USP34: variants seen among roughly 807,000 people sequenced by gnomAD.
USP34 encodes ubiquitin carboxyl-terminal hydrolase 34.
USP34 carries 70 observed loss-of-function variants against 460.3 expected under a neutral mutation model. The observed-to-expected ratio is 0.15, with a 90% CI of 0.13 to 0.19. USP34 has a LOEUF of 0.19. Ranked by LOEUF, USP34 falls within the 10% of genes least tolerant of loss-of-function variation. The pLI, the probability that USP34 is intolerant of heterozygous loss-of-function variation, is 1.00. For missense variants in USP34, 3,985 were observed against 4,236.2 expected, an observed-to-expected ratio of 0.94 and a Z score of 1.65; for synonymous variants, 1,647 against 1,405.3, an observed-to-expected ratio of 1.17 and a Z score of -3.85.
chr2:61,374,657 C>T (rs548628807), intron 8 of USP34, among the ~76,000 whole-genome samples: 3 of 151,938 alleles, frequency 2.0e-5, no homozygotes, highest in East Asian at 1.9e-4. Context: ...TTGCCCAGGC[C>T]GAAGTGCAGT....
rs1458011957 is a variant in USP34 at position 61,188,528 on chromosome 2, A to G, written c.10215T>C (p.Pro3405=). ...CTTTAACAGAACTATTTTCAGGGGA[A>G]GGAAGATCTTGCTCAGTTCCTGGAT... ...IIDPGTEQDL[P]SPENSSVKEY... is the part of the protein sequence containing the mutation. Residue 3405 remains proline, a synonymous_variant, in exon 80 of 80, where the codon CCT becomes CCC. Transcript: ENST00000398571. 3 of 1,614,234 alleles carry G rather than the reference A, an allele frequency of 1.9e-6. No individual in the cohort carries two copies. The highest frequency in any genetic ancestry group is 8.5e-7 in the Non-Finnish European group (1 of 1,180,042).
intron 21 of USP34, among the ~76,000 whole-genome samples, chr2:61,319,632 C>T (rs1490219824): frequency 1.3e-5 from 2 of 151,190 alleles, no homozygotes; most frequent in Non-Finnish European, 2.9e-5. Flanking sequence ...ACTGCCTGAG[C>T]TTGGGAGATC....
chr2:61,453,260 A>G (rs1429702219), intron 1 of USP34, among the ~76,000 whole-genome samples: 1 of 151,986 alleles, frequency 6.6e-6, no homozygotes, highest in Non-Finnish European at 1.5e-5. Context: ...AAAATACCAA[A>G]AACATTAGCC....
At position 61,300,896 on chromosome 2, in the gene USP34, T is replaced by C. The variant is rs1690199263; in HGVS notation, c.4128+55A>G. ...TAAACTATACTTTTATTAAAGTTACTATATCCTCTCAACAGAGACACAAAA... is the reference window on the plus strand; with the variant it reads ...TAAACTATACTTTTATTAAAGTTACCATATCCTCTCAACAGAGACACAAAA... On this transcript the variant is annotated intron_variant, in intron 29 of 79. Coordinates refer to ENST00000398571, the MANE Select transcript of USP34 (RefSeq NM_014709.4). The C allele has an allele frequency of 2.3e-5, 27 of 1,181,702 alleles. No homozygotes were observed. The South Asian group carries it at 3.1e-4, about 14-fold the overall frequency. 73.2% of individuals were successfully genotyped at this position (1,181,702 alleles called of 1,614,324 possible). A position where few individuals can be genotyped will look rare whatever the true frequency, so the allele number is the denominator to read the frequency against.
At chr2:61,451,682 C>CAA (rs1179640424) in intron 1 of USP34, among the ~76,000 whole-genome samples, 1 of 128,904 alleles carries the variant, frequency 7.8e-6, no homozygotes, top group Non-Finnish European at 1.7e-5. Flanking sequence ...AACCCCGCCT[C>CAA]AAAAAAAAAA....
intron 2 of USP34, among the ~76,000 whole-genome samples, chr2:61,418,954 A>G (rs1023987018): frequency 6.6e-6 from 1 of 152,206 alleles, no homozygotes; most frequent in African/African-American, 2.4e-5. Context: ...TCATTTTCCA[A>G]AACAAATTTT....
intron 41 of USP34, among the ~76,000 whole-genome samples, chr2:61,276,247 G>T (rs775387136): frequency 6.6e-6 from 1 of 151,988 alleles, no homozygotes; most frequent in Non-Finnish European, 1.5e-5. Context: ...CATAAACTAC[G>T]GATTAAAATC....
In USP34 at chr2:61,350,309, A is replaced by G. The variant is rs1199084588; in HGVS notation, c.1458T>C (p.Ser486=). ...TAGTATTTAATAAAGATGCAAAAGA[A>G]CTCTGTTTAGATAACTGAGCCTTAG... ...LAAKAQLSKQ[S]SFASLLNTNI... The change falls in exon 12 of 80, where the codon AGT becomes AGC. Residue 486 remains serine, a synonymous_variant. Transcript: ENST00000398571. 1 of 1,612,830 alleles carries G rather than the reference A, an allele frequency of 6.2e-7. No individual in the cohort carries two copies. Among genetic ancestry groups the G allele is most frequent in the Admixed American group, 1.7e-5 (1 of 59,904 alleles).
At chr2:61,352,047 T>C (rs1691956844) in intron 10 of USP34, among the ~76,000 whole-genome samples, 1 of 152,196 alleles carries the variant, frequency 6.6e-6, no homozygotes, top group Admixed American at 6.5e-5. Context: ...GTTTTGGATT[T>C]TTCCACACTT....
intron 14 of USP34, 64 bp from the exon 15 acceptor site, chr2:61,348,544 A>G (rs1219962521): frequency 1.9e-6 from 3 of 1,539,446 alleles, no homozygotes; most frequent in African/African-American, 2.8e-5. Flanking sequence ...GGTAACCAAC[A>G]TTAATAAACT....
rs781033174 is a variant in USP34, at chr2:61,278,252, T to C, written c.5346A>G (p.Val1782=). 8.1e-6 allele frequency: 13 copies of C among 1,613,650 alleles called. No individual in the cohort carries two copies. In the African/African-American group the frequency reaches 1.1e-4, roughly 13 times the overall value. Residue 1782 remains valine (V), a synonymous_variant, in exon 41 of 80, where the codon GTA becomes GTG. Transcript: ENST00000398571. ...REILDHQDGN[V]EDDGLTGLLR... ...GGAGTCCTGTAAGCCCATCATCTTCTACATTACCATCCTGATGATCAAGGA... is the reference window on the plus strand; with the variant it reads ...GGAGTCCTGTAAGCCCATCATCTTCCACATTACCATCCTGATGATCAAGGA...
intron 34 of USP34, among the ~76,000 whole-genome samples, chr2:61,288,208 T>C (rs1689744523): frequency 6.6e-6 from 1 of 152,150 alleles, no homozygotes; most frequent in Non-Finnish European, 1.5e-5. Flanking sequence ...ACAGGATCCC[T>C]CCTGCAAGCT....
intron 44 of USP34, 82 bp from the exon 45 acceptor site, chr2:61,257,432 CAAAA>C: frequency 8.6e-7 from 1 of 1,160,376 alleles, no homozygotes; most frequent in Non-Finnish European, 1.2e-6. Flanking sequence ...ATAACAAAAA[CAAAA>C]GAACAGGTAG....
chr2:61,272,786 C>T (rs1558503184), intron 41 of USP34, among the ~76,000 whole-genome samples: 1 of 152,054 alleles, frequency 6.6e-6, no homozygotes. Context: ...CTAAGAACAA[C>T]TAACTTAACA....
Position 61,321,875 on chromosome 2 carries a change from T to C in USP34, c.3014-2548A>G, listed in dbSNP as rs1338341964. On this transcript the variant is annotated intron_variant, in intron 21 of 79. Coordinates refer to ENST00000398571, the MANE Select transcript of USP34 (RefSeq NM_014709.4). Reference sequence around the variant, plus strand: ...AGTATTATAAATAGAGTGTATACCATGTTCAAAGGTCATTCTCTGTATATA... The same window carrying C: ...AGTATTATAAATAGAGTGTATACCACGTTCAAAGGTCATTCTCTGTATATA... Among the ~76,000 whole-genome samples, 3 of 152,302 alleles carry C rather than the reference T, an allele frequency of 2.0e-5. No homozygotes were observed. In the East Asian group the frequency reaches 5.8e-4, roughly 29 times the overall value.
intron 53 of USP34, among the ~76,000 whole-genome samples, chr2:61,239,071 T>G (rs1688155119): frequency 6.6e-6 from 1 of 152,058 alleles, no homozygotes; most frequent in African/African-American, 2.4e-5. Context: ...TACACCCATA[T>G]AAGACGGCAA....
At chr2:61,202,621 C>G (rs1054866323) in intron 75 of USP34, among the ~76,000 whole-genome samples, 11 of 152,168 alleles carry the variant, frequency 7.2e-5, no homozygotes, top group African/African-American at 2.7e-4. Context: ...TTCTCATCAT[C>G]TCCGTTTTCA....
chr2:61,446,113 CAAAAA>C (rs35776849), intron 1 of USP34, among the ~76,000 whole-genome samples: 2 of 87,256 alleles, frequency 2.3e-5, no homozygotes, highest in Non-Finnish European at 4.3e-5. Context: ...GACTCTGTCT[CAAAAA>C]AAAAAAAAAA....
chr2:61,453,236 C>T (rs1695337227), intron 1 of USP34, among the ~76,000 whole-genome samples: 1 of 151,848 alleles, frequency 6.6e-6, no homozygotes, highest in African/African-American at 2.4e-5. Flanking sequence ...CATGGTGAAA[C>T]CCCATCTGTA....
Sources: allele counts gnomAD v4.1 joint callset (sites outside exome capture counted in the v4.1 genomes callset), GRCh38; gene constraint gnomAD v4.1.1; transcripts MANE v1.5; gene names NCBI Gene and HGNC (gene_info 2026-07-23, HGNC 2026-07-21).